The following TRPC6 variants were observed in gnomAD, a reference collection of about 807,000 sequenced individuals.
TRPC6 encodes the protein short transient receptor potential channel 6.
In TRPC6, 55 loss-of-function variants were observed where a neutral mutation model predicts 90.7. The ratio of observed to expected loss-of-function variants is 0.61; its 90% CI spans 0.49 to 0.76. TRPC6 has a LOEUF of 0.76. TRPC6 is among the 30% of genes least tolerant of loss of function. The pLI is 0.00. For synonymous variants in TRPC6, 393 were observed against 393.0 expected (o/e 1.00, Z 0.00); for missense variants, 989 against 1,122.7 (o/e 0.88, Z 1.70).
rs145376661 is a variant in TRPC6 at position 101,514,878 on chromosome 11, C to A, written c.171-10080G>T. Among the ~76,000 whole-genome samples the A allele has an allele frequency of 2.9e-4, 44 of 152,270 alleles. No homozygotes were observed. The East Asian group carries it at 7.2e-3, about 25-fold the overall frequency. The stretch of plus-strand genomic sequence containing the variant: ...AGAACTGAGTCCTTAGGGACCTAAA[C>A]TTGAGAAAACTTTGGGGGAACCTTG... On this transcript the variant is annotated intron_variant, in intron 1 of 12. Coordinates refer to ENST00000344327, the MANE Select transcript of TRPC6 (RefSeq NM_004621.6).
chr11:101,521,558 A>G lies in TRPC6; in HGVS notation c.171-16760T>C, dbSNP rs12279399. On this transcript the variant is annotated intron_variant, in intron 1 of 12. Transcript: ENST00000344327. ...GTTGGAGCCCCCACACTGAGTCCCT[A>G]CTGCAGCACTGCCTAGTGGAGCTGT... 3.1e-3 allele frequency among the ~76,000 whole-genome samples: 466 copies of G among 152,328 alleles called. 4 individuals carry two copies. Among genetic ancestry groups the G allele is most frequent in the African/African-American group, 0.011 (454 of 41,572 alleles).
In TRPC6 at chr11:101,476,289, C is replaced by T. The variant is rs1000362506; in HGVS notation, c.1744+12G>A. On this transcript the variant is annotated intron_variant, in intron 6 of 12. Coordinates refer to ENST00000344327, the MANE Select transcript of TRPC6 (RefSeq NM_004621.6). ...TGCATTTTTATTTATATTGACTGTA[C>T]TGTAAACTCACCCAAATTGTAGTAT... 6.2e-7 allele frequency: 1 copy of T among 1,610,224 alleles called. No individual in the cohort carries two copies. The highest frequency in any genetic ancestry group is 1.1e-5 in the South Asian group (1 of 90,982).
intron 1 of TRPC6, among the ~76,000 whole-genome samples, chr11:101,522,124 G>T (rs1289987315): frequency 1.3e-5 from 2 of 152,084 alleles, no homozygotes; most frequent in Non-Finnish European, 2.9e-5. Flanking sequence ...GAGGGGCTAG[G>T]GGCAGAATAA....
chr11:101,468,745 A>G (rs1415114645), intron 10 of TRPC6, among the ~76,000 whole-genome samples: 1 of 152,202 alleles, frequency 6.6e-6, no homozygotes, highest in Non-Finnish European at 1.5e-5. Flanking sequence ...GAGACAGGGG[A>G]AAAGCAAATG....
chr11:101,547,314 T>C (rs191059676), intron 1 of TRPC6, among the ~76,000 whole-genome samples: 27 of 152,324 alleles, frequency 1.8e-4, no homozygotes, highest in Admixed American at 1.8e-3. Flanking sequence ...TCTAAGTCTA[T>C]ATGGGCCCTG....
At position 101,504,151 on chromosome 11, in the gene TRPC6, C is replaced by T. The variant is rs1214634100; in HGVS notation, c.818G>A (p.Arg273Lys). 6.2e-7 allele frequency: 1 copy of T among 1,614,098 alleles called. No individual in the cohort carries two copies. Among genetic ancestry groups the T allele is most frequent in the Admixed American group, 1.7e-5 (1 of 60,004 alleles). The change falls in exon 2 of 13, where the codon AGG becomes AAG. Residue 273 changes from arginine (R) to lysine (K), a missense_variant. Coordinates refer to ENST00000344327, the MANE Select transcript of TRPC6 (RefSeq NM_004621.6). ...KHDSFSHSRS[R>K]INAYKGLASP... ...TGCCAGGCCTTTATAGGCATTAATC[C>T]TAGATCTGGAGTGGCTAAACGAGTC... is the stretch of plus-strand genomic sequence containing the variant.
At chr11:101,513,229 G>A (rs891916802) in intron 1 of TRPC6, among the ~76,000 whole-genome samples, 1 of 152,152 alleles carries the variant, frequency 6.6e-6, no homozygotes, top group Non-Finnish European at 1.5e-5. Flanking sequence ...GCCTCTGATG[G>A]GCTGAACTCA....
At chr11:101,472,116 A>C (rs1436637855) in intron 8 of TRPC6, 21 bp downstream of exon 8, 2 of 1,607,952 alleles carry the variant, frequency 1.2e-6, no homozygotes, top group South Asian at 1.1e-5. Context: ...CACAAATTAT[A>C]AAAATGTATT....
chr11:101,459,232 A>G (rs1186911605), intron 10 of TRPC6, among the ~76,000 whole-genome samples: 3 of 152,156 alleles, frequency 2.0e-5, no homozygotes, highest in Non-Finnish European at 4.4e-5. Context: ...TATACCTATG[A>G]GAGATAAAGG....
chr11:101,580,396 T>C (rs982242396), intron 1 of TRPC6, among the ~76,000 whole-genome samples: 2 of 152,214 alleles, frequency 1.3e-5, no homozygotes, highest in Admixed American at 1.3e-4. Context: ...TGATTTGCTA[T>C]TGAAAGTTGA....
At chr11:101,522,247 T>C (rs1860679376) in intron 1 of TRPC6, among the ~76,000 whole-genome samples, 1 of 152,216 alleles carries the variant, frequency 6.6e-6, no homozygotes, top group South Asian at 2.1e-4. Context: ...TTCCCCTTAC[T>C]ATTCTCATGA....
intron 10 of TRPC6, among the ~76,000 whole-genome samples, chr11:101,458,472 A>T (rs1028588892): frequency 6.6e-6 from 1 of 152,192 alleles, no homozygotes; most frequent in African/African-American, 2.4e-5. Flanking sequence ...TCAAGAAGTT[A>T]TCTGGCATTT....
chr11:101,541,006 C>G (rs1861156472), intron 1 of TRPC6, among the ~76,000 whole-genome samples: 1 of 152,084 alleles, frequency 6.6e-6, no homozygotes, highest in South Asian at 2.1e-4. Context: ...CAAAATCAGG[C>G]TAGAAATGCA....
At chr11:101,478,096 C>G (rs1859455993) in intron 5 of TRPC6, among the ~76,000 whole-genome samples, 1 of 152,174 alleles carries the variant, frequency 6.6e-6, no homozygotes, top group African/African-American at 2.4e-5. Context: ...TCACATTTGT[C>G]CTAAATGTCA....
At chr11:101,498,837 A>T (rs534643574) in intron 2 of TRPC6, among the ~76,000 whole-genome samples, 1 of 152,200 alleles carries the variant, frequency 6.6e-6, no homozygotes, top group Admixed American at 6.5e-5. Context: ...CCACCCACCC[A>T]TGTAGCAAGC....
intron 10 of TRPC6, among the ~76,000 whole-genome samples, chr11:101,458,709 A>G (rs765430711): frequency 4.6e-5 from 7 of 152,208 alleles, no homozygotes; most frequent in Non-Finnish European, 8.8e-5. Context: ...GGTCAGAGAT[A>G]ATGAATAAGT....
chr11:101,479,532 C>T (rs1422797567), intron 5 of TRPC6, among the ~76,000 whole-genome samples: 2 of 152,174 alleles, frequency 1.3e-5, no homozygotes, highest in African/African-American at 2.4e-5. Flanking sequence ...ATAGTGTCAT[C>T]CTCTCCCTCA....
rs895925824 is a variant in TRPC6, at chr11:101,477,368, T to A, written c.1511-834A>T. On this transcript the variant is annotated intron_variant, in intron 5 of 12. Transcript: ENST00000344327. ...CTGTTGAACATTTAATCTTTGTGCCTGCTTCTTGGAGGACCCGGACTAACA... is the reference window on the plus strand; with the variant it reads ...CTGTTGAACATTTAATCTTTGTGCCAGCTTCTTGGAGGACCCGGACTAACA... 3.3e-4 allele frequency among the ~76,000 whole-genome samples: 50 copies of A among 152,020 alleles called. 3 individuals carry two copies.
intron 2 of TRPC6, among the ~76,000 whole-genome samples, chr11:101,495,499 T>C (rs1859920028): frequency 6.6e-6 from 1 of 151,624 alleles, no homozygotes; most frequent in African/African-American, 2.4e-5. Flanking sequence ...AAAAAGGGAA[T>C]AATATTAGTA....
Sources: allele counts gnomAD v4.1 joint callset (sites outside exome capture counted in the v4.1 genomes callset), GRCh38; gene constraint gnomAD v4.1.1; transcripts MANE v1.5; gene names NCBI Gene and HGNC (gene_info 2026-07-23, HGNC 2026-07-21).